LENG8: variants seen among roughly 807,000 people sequenced by gnomAD.
The protein encoded by LENG8 is leukocyte receptor cluster member 8.
Under a neutral mutation model 102.1 loss-of-function variants are expected in LENG8, and 28 were observed. That is an observed-to-expected ratio of 0.27 (90% confidence interval 0.20 to 0.38). LENG8 has a LOEUF of 0.38. LENG8 is among the 10% of genes least tolerant of loss of function. The pLI, the probability that LENG8 is intolerant of heterozygous loss-of-function variation, is 1.00. For synonymous variants in LENG8, 531 were observed against 456.7 expected, an observed-to-expected ratio of 1.16 and a Z score of -2.07; for missense variants, 1,022 against 1,113.9, an observed-to-expected ratio of 0.92 and a Z score of 1.17.
chr19:54,457,506 G>C (rs543787490), intron 11 of LENG8, among the ~76,000 whole-genome samples: 1 of 152,022 alleles, frequency 6.6e-6, no homozygotes, highest in East Asian at 1.9e-4. Flanking sequence ...ACGCCTGGCT[G>C]ATTTTTGTAT....
At chr19:54,450,914 C>T (rs1223687172) in intron 1 of LENG8, among the ~76,000 whole-genome samples, 2 of 152,228 alleles carry the variant, frequency 1.3e-5, no homozygotes, top group South Asian at 4.1e-4. Flanking sequence ...GCCACCGCGC[C>T]TGGCCCCTAG....
At chr19:54,453,376 T>C (rs2084049733) in intron 4 of LENG8, among the ~76,000 whole-genome samples, 170 bp from the exon 5 acceptor site, 1 of 152,164 alleles carries the variant, frequency 6.6e-6, no homozygotes, top group Non-Finnish European at 1.5e-5. Context: ...GTGGGATTGA[T>C]AGAGGTTTTT....
intron 15 of LENG8, chr19:54,458,906 G>A: frequency 6.5e-7 from 1 of 1,541,604 alleles, no homozygotes; most frequent in Non-Finnish European, 8.7e-7. Context: ...TCCCACCATA[G>A]AGACCATCTA....
chr19:54,460,818 G>A lies in LENG8; in HGVS notation c.2293G>A (p.Gly765Ser). 1 of 1,584,982 alleles carries A rather than the reference G, an allele frequency of 6.3e-7. No individual in the cohort carries two copies. The highest frequency in any genetic ancestry group is 8.6e-7 in the Non-Finnish European group (1 of 1,166,950). The change falls in exon 16 of 16, where the codon GGC becomes AGC. Residue 765 changes from glycine to serine, a missense_variant. By Grantham distance (56) the Gly-to-Ser change is moderately conservative. This residue lies in a region of LENG8 where 129 missense variants were observed against 123.0 expected (regional missense o/e 1.05). Coordinates refer to ENST00000326764, the MANE Select transcript of LENG8 (RefSeq NM_052925.4). Reference protein sequence around the residue: ...SYLQAELAFEGEAACRAFLEP... With the variant: ...SYLQAELAFESEAACRAFLEP... ...CCTGCAGGCCGAGCTGGCCTTCGAGGGCGAGGCCGCCTGCCGGGCCTTCCT... is the reference window on the plus strand; with the variant it reads ...CCTGCAGGCCGAGCTGGCCTTCGAGAGCGAGGCCGCCTGCCGGGCCTTCCT...
rs2084564724 is a variant in LENG8 at position 54,461,602 on chromosome 19, G to A, written c.*674G>A. 7 of 472,974 alleles carry A rather than the reference G, an allele frequency of 1.5e-5. No individual in the cohort carries two copies. Among genetic ancestry groups the A allele is most frequent in the Non-Finnish European group, 2.6e-5 (6 of 228,330 alleles). 29.3% of individuals were successfully genotyped at this position (472,974 alleles called of 1,614,324 possible). On this transcript the variant is annotated 3_prime_UTR_variant, in exon 16 of 16. Coordinates refer to ENST00000326764, the MANE Select transcript of LENG8 (RefSeq NM_052925.4). Reference sequence around the variant, plus strand: ...TGTCTCCGTGTCCCCTCCTCCCTCTGCCCCCAGTGTTTCTTCTGATTTTTT... The same window carrying A: ...TGTCTCCGTGTCCCCTCCTCCCTCTACCCCCAGTGTTTCTTCTGATTTTTT...
intron 4 of LENG8, 98 bp from the exon 5 acceptor site, chr19:54,453,448 G>A: frequency 1.3e-6 from 1 of 753,580 alleles, no homozygotes; most frequent in Non-Finnish European, 2.4e-6. Flanking sequence ...AGGGGTGAGG[G>A]ATTGGTAGAG....
intron 11 of LENG8, 67 bp downstream of exon 11, chr19:54,456,988 C>A (rs1241529064): frequency 1.3e-6 from 2 of 1,489,510 alleles, no homozygotes; most frequent in Non-Finnish European, 1.8e-6. Flanking sequence ...GGAGCCAACC[C>A]AGGGAGGGTG....
At chr19:54,460,718 T>TTGGCC in intron 15 of LENG8, 48 bp from the exon 16 acceptor site, 49 of 1,047,904 alleles carry the variant, frequency 4.7e-5, no homozygotes, top group Non-Finnish European at 5.6e-5. Context: ...GGCCCTCCCC[T>TTGGCC]GCCCTCCCGC....
chr19:54,452,628 C>T (rs1183994226), intron 3 of LENG8, 23 bp from the exon 4 acceptor site: 5 of 1,513,604 alleles, frequency 3.3e-6, no homozygotes, highest in Non-Finnish European at 4.4e-6. Context: ...CTGCTGACGG[C>T]ACATGTGCCT....
chr19:54,454,982 C>T lies in LENG8; in HGVS notation c.711C>T (p.Asn237=), dbSNP rs1357457672. 6.2e-7 allele frequency: 1 copy of T among 1,614,224 alleles called. No individual in the cohort carries two copies. The highest frequency in any genetic ancestry group is 1.1e-5 in the South Asian group (1 of 91,086). Reference sequence around the variant, plus strand: ...CTGGGACTGGAGGTCTCAAGTTCAACATCCAGAAGCGACCCTTTGCTGTTA... The same window carrying T: ...CTGGGACTGGAGGTCTCAAGTTCAATATCCAGAAGCGACCCTTTGCTGTTA... ...PAPGTGGLKF[N]IQKRPFAVTT... is the part of the protein sequence containing the mutation. Residue 237 remains asparagine (N), a synonymous_variant, in exon 7 of 16, where the codon AAC becomes AAT. Coordinates refer to ENST00000326764, the MANE Select transcript of LENG8 (RefSeq NM_052925.4).
intron 15 of LENG8, chr19:54,460,310 T>C: frequency 3.2e-6 from 4 of 1,245,910 alleles, no homozygotes; most frequent in Non-Finnish European, 4.2e-6. Context: ...AGTGACTGCT[T>C]TCAGTGTGTA....
chr19:54,459,273 A>G, intron 15 of LENG8: 1 of 1,027,214 alleles, frequency 9.7e-7, no homozygotes, highest in Non-Finnish European at 1.2e-6. Context: ...TGGGCCTCAG[A>G]GCTCAGTCTT....
At position 54,456,226 on chromosome 19, in the gene LENG8, ACG is replaced by A; in HGVS notation, c.1289_1290del (p.Arg430ProfsTer6). ...SRSRSSSRSPTRHFRRSDSHS... is the reference protein window; with the variant it reads ...SRSRSSSRSPXRHFRRSDSHS... ...CTCCCGCTCCTCCTCCAGGTCCCCG[ACG>A]CGCCACTTCCGCAGAAGGTACTGAG... On this transcript the variant is annotated frameshift_variant, in exon 9 of 16. Transcript: ENST00000326764. LOFTEE classifies it high-confidence loss of function. The A allele has an allele frequency of 6.2e-7, 1 of 1,613,198 alleles. No individual in the cohort carries two copies. Among genetic ancestry groups the A allele is most frequent in the Non-Finnish European group, 8.5e-7 (1 of 1,179,544 alleles).
At chr19:54,453,269 T>C (rs1055030738) in intron 4 of LENG8, among the ~76,000 whole-genome samples, 6 of 152,258 alleles carry the variant, frequency 3.9e-5, no homozygotes, top group East Asian at 1.9e-4. Flanking sequence ...CAAGCTTCAT[T>C]ACAGCATGGG....
chr19:54,450,455 C>T (rs1353605111), intron 1 of LENG8, among the ~76,000 whole-genome samples: 1 of 152,094 alleles, frequency 6.6e-6, no homozygotes, highest in Non-Finnish European at 1.5e-5. Flanking sequence ...CTTCTCTTCT[C>T]CAATATTCTT....
At chr19:54,460,590 C>T in intron 15 of LENG8, 176 bp from the exon 16 acceptor site, 3 of 1,414,630 alleles carry the variant, frequency 2.1e-6, no homozygotes, top group Non-Finnish European at 2.8e-6. Flanking sequence ...CACTAACCCC[C>T]CCCGGGCCCC....
chr19:54,456,689 G>A lies in LENG8; in HGVS notation c.1499G>A (p.Cys500Tyr). ...RSRKKMAALECEDPERELKKQ... is the reference protein window; with the variant it reads ...RSRKKMAALEYEDPERELKKQ... ...CGAAAGAAGATGGCGGCGCTGGAGT[G>A]TGAGGACCCGGAGCGAGAGCTGAAG... The change falls in exon 11 of 16, where the codon TGT becomes TAT. Residue 500 changes from cysteine to tyrosine, a missense_variant. Coordinates refer to ENST00000326764, the MANE Select transcript of LENG8 (RefSeq NM_052925.4). The A allele has an allele frequency of 6.2e-7, 1 of 1,613,350 alleles. No homozygotes were observed. Among genetic ancestry groups the A allele is most frequent in the Non-Finnish European group, 8.5e-7 (1 of 1,179,774 alleles).
intron 11 of LENG8, 31 bp from the exon 12 acceptor site, chr19:54,457,716 C>T: frequency 2.0e-6 from 3 of 1,506,790 alleles, no homozygotes; most frequent in Non-Finnish European, 2.8e-6. Flanking sequence ...CTGAGTTGTA[C>T]TCCGAGTGTG....
At chr19:54,451,170 T>G in intron 1 of LENG8, 120 bp from the exon 2 acceptor site, 1 of 679,464 alleles carries the variant, frequency 1.5e-6, no homozygotes. Flanking sequence ...CCCAGTGGCT[T>G]TTCAGTCAGC....
Sources: gnomAD v4.1 joint callset for allele counts (sites outside exome capture counted in the v4.1 genomes callset) on GRCh38, gnomAD v4.1.1 for gene constraint, gnomAD v4.1.1 regional missense constraint, MANE v1.5 for transcripts, NCBI Gene and HGNC (gene_info 2026-07-23, HGNC 2026-07-21) for gene names.